The following GALNT13 variants were observed in gnomAD, a reference collection of about 807,000 sequenced individuals.
GALNT13 encodes the protein polypeptide N-acetylgalactosaminyltransferase 13.
In GALNT13, 28 loss-of-function variants were observed where a neutral mutation model predicts 64.2. The ratio of observed to expected loss-of-function variants is 0.44; its 90% CI spans 0.32 to 0.60. The LOEUF is 0.60. Among genes scored for constraint, GALNT13 ranks in the 20% least tolerant of loss-of-function variants. The pLI, the probability that GALNT13 is intolerant of heterozygous loss-of-function variation, is 0.05. For missense variants in GALNT13, 577 were observed against 669.8 expected (o/e 0.86, Z 1.53); for synonymous variants, 214 against 224.6 (o/e 0.95, Z 0.42).
the GALNT13 span, among the ~76,000 whole-genome samples, chr2:153,173,581 G>T: frequency 2.1e-3 from 322 of 152,132 alleles, 3 homozygotes; most frequent in Admixed American, 0.014. Flanking sequence ...TCCAAATAAG[G>T]TTACATTCTG....
intron 7 of GALNT13, among the ~76,000 whole-genome samples, chr2:154,255,189 C>T (rs1014885831): frequency 1.3e-5 from 2 of 152,042 alleles, no homozygotes; most frequent in African/African-American, 2.4e-5. Context: ...ATGTATTGTG[C>T]TATATACTTT....
chr2:153,629,505 G>C, the GALNT13 span, among the ~76,000 whole-genome samples: 1 of 152,106 alleles, frequency 6.6e-6, no homozygotes, highest in South Asian at 2.1e-4. Context: ...ATTCAAGGTG[G>C]ATTAAAGACT....
chr2:154,029,596 T>G (rs1299431018), intron 3 of GALNT13, among the ~76,000 whole-genome samples: 1 of 152,134 alleles, frequency 6.6e-6, no homozygotes, highest in East Asian at 1.9e-4. Context: ...TTTAAAGACA[T>G]AAACACTATT....
chr2:153,162,952 T>C, the GALNT13 span, among the ~76,000 whole-genome samples: 1 of 152,126 alleles, frequency 6.6e-6, no homozygotes, highest in Non-Finnish European at 1.5e-5. Flanking sequence ...GGCTGGGGCC[T>C]CTCTCAAGTC....
intron 4 of GALNT13, among the ~76,000 whole-genome samples, chr2:154,238,918 A>G (rs1006278349): frequency 5.9e-5 from 9 of 152,070 alleles, no homozygotes; most frequent in Non-Finnish European, 1.0e-4. Context: ...TATAGTCACC[A>G]TGCTGTGCAT....
At chr2:153,690,835 A>G in the GALNT13 span, among the ~76,000 whole-genome samples, 2 of 152,182 alleles carry the variant, frequency 1.3e-5, no homozygotes. Flanking sequence ...ATTTGCAGAC[A>G]TATACTGCAG....
the GALNT13 span, among the ~76,000 whole-genome samples, chr2:153,182,101 T>C: frequency 1.2e-3 from 179 of 151,912 alleles, 1 homozygote; most frequent in African/African-American, 4.0e-3. Context: ...TGGAGTGCAG[T>C]GGCATGATTT....
chr2:153,538,543 C>T, the GALNT13 span, among the ~76,000 whole-genome samples: 1 of 64,594 alleles, frequency 1.5e-5, no homozygotes, highest in Non-Finnish European at 2.8e-5. Context: ...CCTCCCCCCT[C>T]CCCCCACCCC....
At chr2:154,118,328 T>A (rs1322128514) in intron 3 of GALNT13, among the ~76,000 whole-genome samples, 1 of 144,156 alleles carries the variant, frequency 6.9e-6, no homozygotes, top group African/African-American at 2.6e-5. Flanking sequence ...ATTTTTTTTT[T>A]AAGTATAACT....
intron 4 of GALNT13, among the ~76,000 whole-genome samples, chr2:154,225,859 G>A (rs1189622578): frequency 6.6e-6 from 1 of 152,060 alleles, no homozygotes; most frequent in Admixed American, 6.6e-5. Context: ...AACAAAGGCT[G>A]TCTGTCTAGA....
At chr2:153,402,883 G>A in the GALNT13 span, among the ~76,000 whole-genome samples, 88 of 152,088 alleles carry the variant, frequency 5.8e-4, no homozygotes, top group East Asian at 3.9e-4. Context: ...ATGTCCTCCC[G>A]TCGCTCACAG....
chr2:154,093,675 T>TC (rs1389993245), intron 3 of GALNT13, among the ~76,000 whole-genome samples: 2 of 151,540 alleles, frequency 1.3e-5, no homozygotes, highest in African/African-American at 4.8e-5. Context: ...ATTTCTTTTT[T>TC]TTTTTTTTCA....
the GALNT13 span, among the ~76,000 whole-genome samples, chr2:153,503,601 C>T: frequency 1.1e-4 from 16 of 151,980 alleles, no homozygotes; most frequent in Non-Finnish European, 5.9e-5. Flanking sequence ...CCACCATACC[C>T]GGCTAATTTT....
chr2:153,726,490 G>A, the GALNT13 span, among the ~76,000 whole-genome samples: 3 of 152,076 alleles, frequency 2.0e-5, no homozygotes, highest in African/African-American at 7.2e-5. Context: ...TTGATAAAAT[G>A]TACTCCATTC....
intron 9 of GALNT13, among the ~76,000 whole-genome samples, chr2:154,347,328 C>G (rs559494449): frequency 1.3e-5 from 2 of 152,202 alleles, no homozygotes; most frequent in East Asian, 3.9e-4. Context: ...GATGATGATA[C>G]CACTTGATCT....
intron 8 of GALNT13, among the ~76,000 whole-genome samples, chr2:154,284,170 A>G (rs1692124363): frequency 6.6e-6 from 1 of 152,148 alleles, no homozygotes; most frequent in South Asian, 2.1e-4. Context: ...TACAAAATAC[A>G]TCATCATTAA....
the GALNT13 span, among the ~76,000 whole-genome samples, chr2:153,095,575 G>A: frequency 1.3e-5 from 2 of 152,142 alleles, no homozygotes; most frequent in Admixed American, 6.5e-5. Context: ...CTGCTATAAA[G>A]ACACATGCAC....
At chr2:153,955,876 T>C (rs866200951) in intron 3 of GALNT13, among the ~76,000 whole-genome samples, 1 of 152,124 alleles carries the variant, frequency 6.6e-6, no homozygotes. Context: ...GTCCTCTGGC[T>C]CTGGGGGCCC....
intron 1 of GALNT13, among the ~76,000 whole-genome samples, chr2:153,892,323 C>T (rs944324632): frequency 1.3e-5 from 2 of 152,002 alleles, no homozygotes; most frequent in African/African-American, 2.4e-5. Flanking sequence ...ATCTTTGTGA[C>T]ATGCCTTGTA....
Sources: allele counts gnomAD v4.1 joint callset (sites outside exome capture counted in the v4.1 genomes callset), GRCh38; gene constraint gnomAD v4.1.1; transcripts MANE v1.5; gene names NCBI Gene and HGNC (gene_info 2026-07-23, HGNC 2026-07-21).